ADGRL3: variants seen among roughly 807,000 people sequenced by gnomAD.
ADGRL3 encodes the protein calcium-independent alpha-latrotoxin receptor 3.
ADGRL3 carries 62 observed loss-of-function variants against 153.5 expected under a neutral mutation model. The observed-to-expected ratio is 0.40, with a 90% confidence interval of 0.33 to 0.50. The LOEUF is 0.50. Ranked by LOEUF, ADGRL3 falls within the 20% of genes least tolerant of loss-of-function variation. ADGRL3 has a pLI of 0.47. For missense variants in ADGRL3, 1,641 were observed against 1,859.4 expected (o/e 0.88, Z 2.16); for synonymous variants, 710 against 672.5 (o/e 1.06, Z -0.86).
intron 1 of ADGRL3, among the ~76,000 whole-genome samples, chr4:61,208,089 CA>C (rs1738176554): frequency 6.6e-6 from 1 of 152,074 alleles, no homozygotes; most frequent in Non-Finnish European, 1.5e-5. Context: ...AACTTTAAAG[CA>C]GCAGATATGC....
intron 8 of ADGRL3, among the ~76,000 whole-genome samples, chr4:61,760,206 T>C (rs1239159609): frequency 6.6e-6 from 1 of 152,154 alleles, no homozygotes; most frequent in African/African-American, 2.4e-5. Context: ...GACATTTTAG[T>C]GTGCAGAGGT....
intron 1 of ADGRL3, among the ~76,000 whole-genome samples, chr4:61,346,049 A>G (rs980719437): frequency 2.0e-5 from 3 of 152,162 alleles, no homozygotes; most frequent in Non-Finnish European, 4.4e-5. Context: ...CGCTCACGGC[A>G]TGTATAATTA....
At chr4:61,239,827 T>C (rs1577950107) in intron 1 of ADGRL3, among the ~76,000 whole-genome samples, 1 of 152,266 alleles carries the variant, frequency 6.6e-6, no homozygotes. Flanking sequence ...AAATGAGTTA[T>C]GTTAGAATTA....
intron 21 of ADGRL3, among the ~76,000 whole-genome samples, chr4:62,025,843 A>G (rs1718230650): frequency 6.6e-6 from 1 of 152,188 alleles, no homozygotes; most frequent in Non-Finnish European, 1.5e-5. Flanking sequence ...CTGTAACGGT[A>G]TTTTGTTTAA....
At chr4:61,414,185 G>A (rs1305254778) in intron 2 of ADGRL3, among the ~76,000 whole-genome samples, 1 of 152,134 alleles carries the variant, frequency 6.6e-6, no homozygotes, top group Non-Finnish European at 1.5e-5. Flanking sequence ...AGCATTACAT[G>A]CAGATGGCAG....
intron 1 of ADGRL3, among the ~76,000 whole-genome samples, chr4:61,324,015 G>C (rs2095417310): frequency 6.6e-6 from 1 of 152,158 alleles, no homozygotes. Flanking sequence ...GTAAGGAGGA[G>C]GAGGTCACAT....
At chr4:61,695,640 G>C in intron 6 of ADGRL3, among the ~76,000 whole-genome samples, 1 of 152,156 alleles carries the variant, frequency 6.6e-6, no homozygotes, top group Non-Finnish European at 1.5e-5. Flanking sequence ...CCTAATAAGA[G>C]ACTTAGCTTG....
chr4:61,742,568 C>T (rs2096595349), intron 8 of ADGRL3, among the ~76,000 whole-genome samples: 1 of 152,142 alleles, frequency 6.6e-6, no homozygotes, highest in African/African-American at 2.4e-5. Flanking sequence ...GCGTGAGACA[C>T]CGCACCCGGC....
intron 8 of ADGRL3, among the ~76,000 whole-genome samples, chr4:61,799,492 C>G (rs1005964647): frequency 6.6e-6 from 1 of 152,024 alleles, no homozygotes; most frequent in African/African-American, 2.4e-5. Context: ...CTATGACAGA[C>G]CACACATACT....
At chr4:61,868,076 A>T (rs1320369279) in intron 9 of ADGRL3, among the ~76,000 whole-genome samples, 1 of 152,162 alleles carries the variant, frequency 6.6e-6, no homozygotes, top group Non-Finnish European at 1.5e-5. Flanking sequence ...TGCACAAAAA[A>T]TTTAAATTGA....
At chr4:61,513,443 C>A (rs2098474248) in intron 3 of ADGRL3, among the ~76,000 whole-genome samples, 1 of 152,070 alleles carries the variant, frequency 6.6e-6, no homozygotes, top group Non-Finnish European at 1.5e-5. Flanking sequence ...CTCTTGCCAT[C>A]TTATCTGCCC....
intron 2 of ADGRL3, among the ~76,000 whole-genome samples, chr4:61,391,703 C>T (rs13149417): frequency 0.87 from 132,862 of 151,878 alleles, 59,387 homozygotes; most frequent in Middle Eastern, 0.98. Context: ...ATTTATGGTG[C>T]CATTTTTATT....
chr4:61,512,688 A>G (rs746312122), intron 3 of ADGRL3, among the ~76,000 whole-genome samples: 1 of 152,132 alleles, frequency 6.6e-6, no homozygotes, highest in African/African-American at 2.4e-5. Context: ...TGTGATTATC[A>G]TTTTATATAG....
intron 17 of ADGRL3, among the ~76,000 whole-genome samples, chr4:61,972,197 A>G (rs1349532005): frequency 6.6e-6 from 1 of 152,028 alleles, no homozygotes; most frequent in Admixed American, 6.6e-5. Flanking sequence ...TTTTGTTGCC[A>G]TTGCTTTTGG....
chr4:61,495,661 T>A (rs2098307480), intron 2 of ADGRL3, among the ~76,000 whole-genome samples: 2 of 152,162 alleles, frequency 1.3e-5, no homozygotes, highest in African/African-American at 4.8e-5. Context: ...CTAAGATAAA[T>A]CTTGGGAAGA....
chr4:61,691,461 G>T (rs535176521), intron 6 of ADGRL3, among the ~76,000 whole-genome samples: 1 of 152,076 alleles, frequency 6.6e-6, no homozygotes, highest in South Asian at 2.1e-4. Flanking sequence ...GGATATTGGA[G>T]TTAAAGAGTC....
At chr4:62,067,646 T>C (rs1483820619) in intron 25 of ADGRL3, among the ~76,000 whole-genome samples, 2 of 152,026 alleles carry the variant, frequency 1.3e-5, no homozygotes, top group Admixed American at 6.6e-5. Context: ...AAAGAGAAGA[T>C]ACATAAGGCG....
At chr4:61,479,245 A>C (rs2152726375) in intron 2 of ADGRL3, among the ~76,000 whole-genome samples, 1 of 152,176 alleles carries the variant, frequency 6.6e-6, no homozygotes, top group South Asian at 2.1e-4. Context: ...GAGTATAAAT[A>C]AACTACTTAT....
chr4:61,353,128 A>G (rs2096084291), intron 1 of ADGRL3, among the ~76,000 whole-genome samples: 2 of 152,194 alleles, frequency 1.3e-5, no homozygotes, highest in Non-Finnish European at 2.9e-5. Flanking sequence ...AAAGTGATCC[A>G]GGTAGTTTAT....
Sources: allele counts gnomAD v4.1 joint callset (sites outside exome capture counted in the v4.1 genomes callset), GRCh38; gene constraint gnomAD v4.1.1; transcripts MANE v1.5; gene names NCBI Gene and HGNC (gene_info 2026-07-23, HGNC 2026-07-21).